The following LATS2 variants were observed in gnomAD, a reference collection of about 807,000 sequenced individuals.
LATS2 encodes large tumor suppressor kinase 2.
Under a neutral mutation model 76.0 loss-of-function variants are expected in LATS2, and 24 were observed. That is an observed-to-expected ratio of 0.32 (90% confidence interval 0.23 to 0.44). The LOEUF is 0.44. Among genes scored for constraint, LATS2 ranks in the 20% least tolerant of loss-of-function variants. LATS2 has a pLI of 1.00. For missense variants in LATS2, 1,286 were observed against 1,481.2 expected (o/e 0.87, Z 2.16); for synonymous variants, 692 against 635.4 (o/e 1.09, Z -1.34).
chr13:20,982,470 C>A (rs1869935891), intron 5 of LATS2, among the ~76,000 whole-genome samples: 1 of 152,148 alleles, frequency 6.6e-6, no homozygotes, highest in Non-Finnish European at 1.5e-5. Flanking sequence ...ATCACCACGC[C>A]CGGCTAATTT....
chr13:21,015,212 C>T (rs1415903775), intron 2 of LATS2, among the ~76,000 whole-genome samples: 2 of 152,204 alleles, frequency 1.3e-5, no homozygotes, highest in African/African-American at 4.8e-5. Context: ...GTTAGATACA[C>T]ATTTTCTTAC....
chr13:20,998,739 T>TGCGGGGCGAGGCGGG (rs1555224838), intron 2 of LATS2, among the ~76,000 whole-genome samples: 16 of 138,374 alleles, frequency 1.2e-4, no homozygotes, highest in South Asian at 9.8e-4. Context: ...GCCTTGTCAA[T>TGCGGGGCGAGGCGGG]GCGGGGCGAG....
intron 2 of LATS2, among the ~76,000 whole-genome samples, chr13:21,035,938 G>A (rs1228222754): frequency 4.6e-5 from 7 of 152,170 alleles, no homozygotes; most frequent in Admixed American, 6.5e-5. Context: ...TTGCTCTGTC[G>A]CCCAGGCTGG....
At chr13:21,024,916 C>A (rs1214710913) in intron 2 of LATS2, among the ~76,000 whole-genome samples, 1 of 152,156 alleles carries the variant, frequency 6.6e-6, no homozygotes, top group African/African-American at 2.4e-5. Context: ...TGGGGCTGTC[C>A]CCACAGGCTC....
At chr13:21,020,306 G>A (rs1426196477) in intron 2 of LATS2, among the ~76,000 whole-genome samples, 1 of 152,062 alleles carries the variant, frequency 6.6e-6, no homozygotes, top group East Asian at 1.9e-4. Flanking sequence ...GAGCTTGCAC[G>A]AACAATTCTA....
chr13:21,033,078 C>A (rs1207909589), intron 2 of LATS2, among the ~76,000 whole-genome samples: 3 of 151,272 alleles, frequency 2.0e-5, no homozygotes, highest in Non-Finnish European at 4.4e-5. Context: ...CAGGGAGAAT[C>A]CAGGTATAGT....
chr13:20,988,756 T>G lies in LATS2; in HGVS notation c.1024A>C (p.Ser342Arg). ...GSRSQVFASD[S>R]PPQSLLTPSR... ...GGAGTGAGCAGGCTCTGCGGGGGGC[T>G]GTCGCTGGCGAACACCTGGCTGCGG... is the stretch of plus-strand genomic sequence containing the variant. The change falls in exon 4 of 8, where the codon AGC becomes CGC. Residue 342 changes from serine to arginine, a missense_variant. By Grantham distance (110) the Ser-to-Arg change is moderately radical. Around this residue, in one of 5 missense-constraint regions of LATS2, gnomAD observed 710 missense variants for 660.9 expected, o/e 1.07. Transcript: ENST00000382592. 6.3e-7 allele frequency: 1 copy of G among 1,579,486 alleles called. No individual in the cohort carries two copies. Among genetic ancestry groups the G allele is most frequent in the Non-Finnish European group, 8.5e-7 (1 of 1,169,782 alleles).
intron 2 of LATS2, among the ~76,000 whole-genome samples, chr13:21,041,536 C>G (rs1872881742): frequency 6.6e-6 from 1 of 152,134 alleles, no homozygotes; most frequent in Non-Finnish European, 1.5e-5. Flanking sequence ...GAAATTACAG[C>G]TGACACAATA....
intron 2 of LATS2, among the ~76,000 whole-genome samples, chr13:21,020,286 C>T (rs1485681337): frequency 1.3e-5 from 2 of 152,130 alleles, no homozygotes; most frequent in East Asian, 1.9e-4. Flanking sequence ...AAAGTACACG[C>T]CCCCTTTCAG....
chr13:21,011,155 T>C (rs1157539431), intron 2 of LATS2, among the ~76,000 whole-genome samples: 1 of 152,270 alleles, frequency 6.6e-6, no homozygotes, highest in South Asian at 2.1e-4. Context: ...CAAATCATCT[T>C]ATATCAGGAC....
chr13:21,022,200 C>T (rs1240645904), intron 2 of LATS2, among the ~76,000 whole-genome samples: 1 of 152,056 alleles, frequency 6.6e-6, no homozygotes, highest in Non-Finnish European at 1.5e-5. Flanking sequence ...ATGTGTGCAA[C>T]TACGTAAGTG....
intron 2 of LATS2, among the ~76,000 whole-genome samples, chr13:21,006,418 C>T (rs904654874): frequency 2.6e-5 from 4 of 152,120 alleles, no homozygotes; most frequent in African/African-American, 4.8e-5. Context: ...TGCGGAGACT[C>T]GTTGTGGCAC....
chr13:20,988,277 C>G lies in LATS2; in HGVS notation c.1503G>C (p.Pro501=), dbSNP rs756098345. 3 of 1,578,510 alleles carry G rather than the reference C, an allele frequency of 1.9e-6. No individual in the cohort carries two copies. Among genetic ancestry groups the G allele is most frequent in the Non-Finnish European group, 8.6e-7 (1 of 1,167,748 alleles). ...ALALGGAGAF[P]LDVEYGGPDR... ...CTGGGCCTCCGTACTCCACGTCCAG[C>G]GGGAAGGCGCCTGCGCCGCCCAGCG... Residue 501 remains proline, a synonymous_variant, in exon 4 of 8, where the codon CCG becomes CCC. Coordinates refer to ENST00000382592, the MANE Select transcript of LATS2 (RefSeq NM_014572.3).
At chr13:20,982,502 G>T (rs1305097970) in intron 5 of LATS2, among the ~76,000 whole-genome samples, 1 of 152,064 alleles carries the variant, frequency 6.6e-6, no homozygotes, top group Non-Finnish European at 1.5e-5. Flanking sequence ...GTAGAGACGG[G>T]GTTTCTCCAC....
intron 2 of LATS2, among the ~76,000 whole-genome samples, chr13:21,009,348 G>GCTCCT (rs1413800044): frequency 6.6e-6 from 1 of 152,112 alleles, no homozygotes; most frequent in Non-Finnish European, 1.5e-5. Context: ...CCCGACACCT[G>GCTCCT]CTCCTCTCCT....
intron 2 of LATS2, among the ~76,000 whole-genome samples, chr13:20,993,867 T>C (rs1870620866): frequency 6.6e-6 from 1 of 152,148 alleles, no homozygotes; most frequent in African/African-American, 2.4e-5. Context: ...CTGGAGCTTT[T>C]GGCGCCCATT....
At chr13:21,049,898 A>T (rs1288754453) in intron 1 of LATS2, among the ~76,000 whole-genome samples, 4 of 152,050 alleles carry the variant, frequency 2.6e-5, no homozygotes, top group African/African-American at 9.7e-5. Context: ...AGGCAGGCAG[A>T]TCACTTGAGG....
intron 1 of LATS2, among the ~76,000 whole-genome samples, chr13:21,061,119 G>A (rs987631027): frequency 6.6e-6 from 1 of 151,724 alleles, no homozygotes; most frequent in Non-Finnish European, 1.5e-5. Context: ...GGCTCCGTAC[G>A]GCCTGGACTA....
chr13:21,039,840 AG>A (rs1263106329), intron 2 of LATS2, among the ~76,000 whole-genome samples: 1 of 152,200 alleles, frequency 6.6e-6, no homozygotes, highest in Non-Finnish European at 1.5e-5. Flanking sequence ...TAGGAAGCTG[AG>A]GGTGAGTGGA....
Sources: gnomAD v4.1 joint callset for allele counts (sites outside exome capture counted in the v4.1 genomes callset) on GRCh38, gnomAD v4.1.1 for gene constraint, gnomAD v4.1.1 regional missense constraint, MANE v1.5 for transcripts, NCBI Gene and HGNC (gene_info 2026-07-23, HGNC 2026-07-21) for gene names.